The following COG4 variants were observed in gnomAD, a reference collection of about 807,000 sequenced individuals.
COG4 encodes conserved oligomeric Golgi complex subunit 4.
A neutral mutation model predicts 95.1 loss-of-function variants in COG4; 65 were observed. That is an observed-to-expected ratio of 0.68 (90% CI 0.56 to 0.84). COG4 has a LOEUF of 0.84. Ranked by LOEUF, COG4 falls within the 40% of genes least tolerant of loss-of-function variation. The pLI, the probability that COG4 is intolerant of heterozygous loss-of-function variation, is 0.00. For missense variants in COG4, 1,045 were observed against 989.1 expected (o/e 1.06, Z -0.76); for synonymous variants, 421 against 374.8 (o/e 1.12, Z -1.42).
intron 5 of COG4, among the ~76,000 whole-genome samples, chr16:70,510,481 C>A (rs920021916): frequency 6.6e-6 from 1 of 152,142 alleles, no homozygotes; most frequent in Non-Finnish European, 1.5e-5. Context: ...AGCCACCATG[C>A]CCGGCTAATT....
chr16:70,509,094 A>T, intron 7 of COG4, 137 bp downstream of exon 7: 5 of 1,064,988 alleles, frequency 4.7e-6, no homozygotes, highest in Non-Finnish European at 7.1e-6. Context: ...GGCAAGATGC[A>T]GGCCAGTGTG....
intron 3 of COG4, chr16:70,515,891 A>G: frequency 2.5e-6 from 1 of 405,922 alleles, no homozygotes. Flanking sequence ...TTGGTCTCCA[A>G]CTTCTGGCCT....
At chr16:70,481,981 G>A (rs2049006577) in intron 16 of COG4, 111 bp downstream of exon 16, 35 of 1,330,216 alleles carry the variant, frequency 2.6e-5, no homozygotes, top group Non-Finnish European at 3.8e-5. Context: ...TACAGGTGAG[G>A]GTTGGAAGGG....
At position 70,487,822 on chromosome 16, in the gene COG4, C is replaced by CT. The variant is rs577627051; in HGVS notation, c.1710+2507dup. On this transcript the variant is annotated intron_variant, in intron 13 of 18. Coordinates refer to ENST00000323786, the MANE Select transcript of COG4 (RefSeq NM_015386.3). The stretch of plus-strand genomic sequence containing the variant: ...TTTAAATTTATTTTTACTATTTTTA[C>CT]TTTTTTTTTTATGTTTTTTTGAGAC... Among the ~76,000 whole-genome samples, 194 of 149,200 alleles carry CT rather than the reference C, an allele frequency of 1.3e-3. 5 individuals carry two copies. In the South Asian group the frequency reaches 0.035, roughly 27 times the overall value.
In COG4 at chr16:70,481,713, C is replaced by T. The variant is rs374259804; in HGVS notation, c.2106+51G>A. 3.0e-4 allele frequency: 454 copies of T among 1,521,784 alleles called. 2 individuals are homozygous for T. In the African/African-American group the frequency reaches 5.3e-3, roughly 18 times the overall value. 94.3% of individuals were successfully genotyped at this position (1,521,784 alleles called of 1,614,324 possible). A position where few individuals can be genotyped will look rare whatever the true frequency, so the allele number is the denominator to read the frequency against. On this transcript the variant is annotated intron_variant, in intron 17 of 18. Transcript: ENST00000323786. ...TCCTGGGGGTGGTGGCATGACATGTCTTCCTCAGAGGAGAAACGAGAGCCG... is the reference window on the plus strand; with the variant it reads ...TCCTGGGGGTGGTGGCATGACATGTTTTCCTCAGAGGAGAAACGAGAGCCG...
At chr16:70,509,066 C>A in intron 7 of COG4, 165 bp downstream of exon 7, 1 of 843,868 alleles carries the variant, frequency 1.2e-6, no homozygotes, top group Non-Finnish European at 1.9e-6. Context: ...ACCTCAAGTC[C>A]AAAGTAAGCT....
chr16:70,494,062 A>T (rs947171894), intron 12 of COG4, among the ~76,000 whole-genome samples: 4 of 152,206 alleles, frequency 2.6e-5, no homozygotes, highest in Non-Finnish European at 5.9e-5. Context: ...GCTGAAAGTC[A>T]TGATGCTGAC....
chr16:70,482,774 C>A lies in COG4; in HGVS notation c.1875G>T (p.Gln625His), dbSNP rs765074288. The change falls in exon 15 of 19, where the codon CAG (glutamine) becomes CAT (histidine). Residue 625 changes from glutamine to histidine, a missense_variant. By Grantham distance (24) the Gln-to-His change is conservative. Transcript: ENST00000323786. ...CGGAGAAAAAGCTGTTGATCCAAGG[C>A]TGCACCTGTGGCTTGATGGCTGTGC... ...LNSTAIKPQV[Q>H]PWINSFFSVS... 8 of 1,613,788 alleles carry A rather than the reference C, an allele frequency of 5.0e-6. No individual in the cohort carries two copies. Among genetic ancestry groups the A allele is most frequent in the Non-Finnish European group, 6.8e-6 (8 of 1,179,922 alleles).
At chr16:70,499,288 C>A (rs770011439) in intron 9 of COG4, among the ~76,000 whole-genome samples, 1 of 151,864 alleles carries the variant, frequency 6.6e-6, no homozygotes, top group Non-Finnish European at 1.5e-5. Context: ...TGAATGGCTA[C>A]GTATTGGGCA....
intron 16 of COG4, 54 bp downstream of exon 16, chr16:70,482,038 G>C: frequency 8.1e-6 from 12 of 1,485,920 alleles, no homozygotes; most frequent in Non-Finnish European, 1.1e-5. Flanking sequence ...GCAGGCTGCT[G>C]GTTTGGGCTG....
intron 8 of COG4, chr16:70,501,737 C>T (rs961987386): frequency 6.5e-6 from 1 of 153,000 alleles, no homozygotes; most frequent in African/African-American, 2.4e-5. Flanking sequence ...ACTGCAACCT[C>T]CGCCTCTAGG....
At chr16:70,497,810 C>T in intron 10 of COG4, 127 bp downstream of exon 10, 1 of 775,796 alleles carries the variant, frequency 1.3e-6, no homozygotes, top group Non-Finnish European at 2.4e-6. Context: ...AAAGTGGTAC[C>T]ACTCAATCTG....
At chr16:70,491,164 C>G (rs557190574) in intron 12 of COG4, among the ~76,000 whole-genome samples, 4 of 152,040 alleles carry the variant, frequency 2.6e-5, no homozygotes, top group African/African-American at 9.7e-5. Context: ...CTAAATACCC[C>G]CATAGAACAC....
At chr16:70,487,967 G>T (rs866598703) in intron 13 of COG4, among the ~76,000 whole-genome samples, 2 of 151,944 alleles carry the variant, frequency 1.3e-5, no homozygotes, top group African/African-American at 4.8e-5. Context: ...CAGGATTACA[G>T]GTGTGCACCA....
chr16:70,507,095 G>A (rs1167941977), intron 8 of COG4, among the ~76,000 whole-genome samples: 1 of 152,030 alleles, frequency 6.6e-6, no homozygotes, highest in East Asian at 1.9e-4. Context: ...TGTACAATAT[G>A]TGTACACCAG....
At chr16:70,496,454 G>A (rs777750953) in intron 11 of COG4, 23 bp from the exon 12 acceptor site, 2 of 1,613,640 alleles carry the variant, frequency 1.2e-6, no homozygotes, top group South Asian at 2.2e-5. Flanking sequence ...ATTGCATAGA[G>A]GAATTGACAG....
intron 8 of COG4, among the ~76,000 whole-genome samples, chr16:70,505,344 C>T (rs542392138): frequency 2.0e-4 from 30 of 150,806 alleles, no homozygotes; most frequent in South Asian, 1.5e-3. Context: ...ACTACAGGCA[C>T]CCGCCAACAC....
At chr16:70,523,300 G>A in intron 1 of COG4, 73 bp downstream of exon 1, 3 of 1,573,320 alleles carry the variant, frequency 1.9e-6, no homozygotes, top group Non-Finnish European at 2.6e-6. Flanking sequence ...GTTTCCCACA[G>A]CCCGGATTTC....
intron 13 of COG4, among the ~76,000 whole-genome samples, chr16:70,487,538 C>T (rs1249671744): frequency 2.6e-5 from 4 of 152,130 alleles, no homozygotes; most frequent in Non-Finnish European, 4.4e-5. Context: ...GCTGAGATCG[C>T]GCCATTGCAC....
Sources: allele counts gnomAD v4.1 joint callset (sites outside exome capture counted in the v4.1 genomes callset), GRCh38; gene constraint gnomAD v4.1.1; transcripts MANE v1.5; gene names NCBI Gene and HGNC (gene_info 2026-07-23, HGNC 2026-07-21).